MCF2L: variants seen among roughly 807,000 people sequenced by gnomAD.
The protein encoded by MCF2L is MCF.2 cell line derived transforming sequence like.
A neutral mutation model predicts 153.4 loss-of-function variants in MCF2L; 97 were observed. That is an observed-to-expected ratio of 0.63 (90% CI 0.54 to 0.75). MCF2L has a LOEUF of 0.75. MCF2L is among the 30% of genes least tolerant of loss of function. MCF2L has a pLI of 0.00. For missense variants in MCF2L, 1,347 were observed against 1,495.2 expected (o/e 0.90, Z 1.64); for synonymous variants, 659 against 632.2 (o/e 1.04, Z -0.64).
chr13:113,094,545 A>C lies in MCF2L; in HGVS notation c.2985A>C (p.Ala995=). 6.2e-7 allele frequency: 1 copy of C among 1,612,520 alleles called. No homozygotes were observed. Among genetic ancestry groups the C allele is most frequent in the Non-Finnish European group, 8.5e-7 (1 of 1,179,684 alleles). Residue 995 remains alanine (A), a synonymous_variant, in exon 27 of 30, where the codon GCA becomes GCC. Coordinates refer to ENST00000535094, the MANE Select transcript of MCF2L (RefSeq NM_001112732.3). The part of the protein sequence containing the change: ...GWSKTSHSLE[A]PEDDGGWSSA... ...GCAAAACGTCCCACTCACTGGAGGCACCTGAGGACGACGGGGGCTGGTCAA... is the reference window on the plus strand; with the variant it reads ...GCAAAACGTCCCACTCACTGGAGGCCCCTGAGGACGACGGGGGCTGGTCAA...
intron 1 of MCF2L, among the ~76,000 whole-genome samples, chr13:112,994,343 C>A (rs1012975901): frequency 6.6e-6 from 1 of 150,720 alleles, no homozygotes; most frequent in Non-Finnish European, 1.5e-5. Flanking sequence ...GTGTCTCGGG[C>A]GGGGGCCAGT....
chr13:113,010,650 C>T (rs2084032168), intron 1 of MCF2L, among the ~76,000 whole-genome samples: 1 of 152,218 alleles, frequency 6.6e-6, no homozygotes, highest in Non-Finnish European at 1.5e-5. Flanking sequence ...GCCCGCGTGG[C>T]AGGGGAATGG....
At chr13:113,006,440 G>A (rs1360295311) in intron 1 of MCF2L, among the ~76,000 whole-genome samples, 2 of 152,172 alleles carry the variant, frequency 1.3e-5, no homozygotes, top group Admixed American at 6.5e-5. Flanking sequence ...TCCTCCCCCC[G>A]GGAGCACAGG....
intron 2 of MCF2L, among the ~76,000 whole-genome samples, chr13:113,019,575 T>A (rs1263329081): frequency 6.6e-6 from 1 of 152,158 alleles, no homozygotes; most frequent in African/African-American, 2.4e-5. Flanking sequence ...TCCCGTTAGG[T>A]TTGGGCAGAG....
At chr13:112,914,555 A>T (rs1266557505) in intron 2 of MCF2L, among the ~76,000 whole-genome samples, 3 of 152,194 alleles carry the variant, frequency 2.0e-5, no homozygotes, top group African/African-American at 7.2e-5. Context: ...AGGTACTCAC[A>T]CACTCGCTCT....
chr13:113,075,921 A>T, intron 11 of MCF2L, 45 bp from the exon 12 acceptor site: 1 of 1,492,112 alleles, frequency 6.7e-7, no homozygotes, highest in Non-Finnish European at 9.1e-7. Flanking sequence ...TGACGCTCTC[A>T]CCCTCTCACG....
chr13:113,037,234 G>A (rs1025548861), intron 3 of MCF2L, among the ~76,000 whole-genome samples: 4 of 152,298 alleles, frequency 2.6e-5, no homozygotes, highest in South Asian at 2.1e-4. Context: ...TGATGATAAC[G>A]ACCACGATAG....
rs376441925 is a variant in MCF2L at position 113,050,220 on chromosome 13, CTG to C, written c.369+4864_369+4865del. Among the ~76,000 whole-genome samples, 129 of 146,946 alleles carry C rather than the reference CTG, an allele frequency of 8.8e-4. 1 individual carries two copies. Among genetic ancestry groups the C allele is most frequent in the African/African-American group, 3.1e-3 (117 of 38,308 alleles). ...AGTGGGAGTGTAAGTGAATGTGAGACTGTGTGAGTGTGTGAGTGTGTGCGCGA... is the reference window on the plus strand; with the variant it reads ...AGTGGGAGTGTAAGTGAATGTGAGACTGTGAGTGTGTGAGTGTGTGCGCGA... On this transcript the variant is annotated intron_variant, in intron 4 of 29. Coordinates refer to ENST00000535094, the MANE Select transcript of MCF2L (RefSeq NM_001112732.3).
chr13:113,089,540 T>TC (rs1288109890), intron 25 of MCF2L, 70 bp from the exon 26 acceptor site: 1 of 982,838 alleles, frequency 1.0e-6, no homozygotes, highest in African/African-American at 1.6e-5. Flanking sequence ...ATGCCTCAGG[T>TC]CCTCAGGGCG....
chr13:112,947,499 C>A (rs535891705), intron 2 of MCF2L, among the ~76,000 whole-genome samples: 1 of 152,288 alleles, frequency 6.6e-6, no homozygotes, highest in South Asian at 2.1e-4. Flanking sequence ...TTCCACAGTA[C>A]AATGGTGGGA....
chr13:113,084,813 T>C, intron 18 of MCF2L, 79 bp from the exon 19 acceptor site: 1 of 1,083,208 alleles, frequency 9.2e-7, no homozygotes, highest in Non-Finnish European at 1.4e-6. Flanking sequence ...CCTCACCGCG[T>C]AATGCGGTGC....
chr13:113,085,966 G>A (rs564327193), intron 20 of MCF2L, among the ~76,000 whole-genome samples, 158 bp from the exon 21 acceptor site: 4 of 152,010 alleles, frequency 2.6e-5, no homozygotes, highest in African/African-American at 9.6e-5. Flanking sequence ...GCACCACTCA[G>A]TCTGTCCCAG....
At chr13:113,044,884 G>A (rs777176538) in intron 3 of MCF2L, 22 of 1,612,790 alleles carry the variant, frequency 1.4e-5, no homozygotes, top group South Asian at 3.3e-5. Flanking sequence ...CAGGACCGGC[G>A]TGATGTATGC....
intron 4 of MCF2L, among the ~76,000 whole-genome samples, chr13:113,057,985 T>C (rs1161056196): frequency 6.8e-6 from 1 of 146,156 alleles, no homozygotes; most frequent in Non-Finnish European, 1.5e-5. Flanking sequence ...TGCTGAGTGT[T>C]GGGTGCTGAG....
chr13:113,081,194 C>T lies in MCF2L; in HGVS notation c.1809-19C>T. The T allele has an allele frequency of 6.4e-7, 1 of 1,569,054 alleles. No homozygotes were observed. ...TCCCAGTGCTAACCTTTTTTGCTCT[C>T]CACATGACCTGCCACCAGGCACGTG... On this transcript the variant is annotated intron_variant, in intron 15 of 29. Transcript: ENST00000535094.
At chr13:113,057,758 GTGTT>G (rs1431816904) in intron 4 of MCF2L, among the ~76,000 whole-genome samples, 13 of 145,080 alleles carry the variant, frequency 9.0e-5, no homozygotes, top group Admixed American at 2.1e-4. Context: ...TGGGCACTGA[GTGTT>G]TGGGTGCTGA....
chr13:113,074,518 G>A lies in MCF2L; in HGVS notation c.1071G>A (p.Val357=). ...ACATCGGCAACAGCCTGGCGCATGT[G>A]GAGCACCTGCTGAGGGACCTGGCCA... ...FTDIGNSLAH[V]EHLLRDLASF... is the part of the protein sequence containing the mutation. Residue 357 remains valine (V), a synonymous_variant, in exon 10 of 30, where the codon GTG becomes GTA. Coordinates refer to ENST00000535094, the MANE Select transcript of MCF2L (RefSeq NM_001112732.3). This position sits in a 1 kb window ranked among gnomAD's most constrained non-coding sequence, Gnocchi z 4.2. The A allele has an allele frequency of 6.2e-7, 1 of 1,614,098 alleles. No individual in the cohort carries two copies. Among genetic ancestry groups the A allele is most frequent in the Non-Finnish European group, 8.5e-7 (1 of 1,180,024 alleles).
At chr13:113,047,413 A>C (rs1333017463) in intron 4 of MCF2L, 1 of 152,244 alleles carries the variant, frequency 6.6e-6, no homozygotes, top group East Asian at 1.9e-4. Context: ...AACTCTAAAA[A>C]TTAAATCATA....
At chr13:112,940,395 A>C (rs1254857958) in intron 2 of MCF2L, among the ~76,000 whole-genome samples, 1 of 152,224 alleles carries the variant, frequency 6.6e-6, no homozygotes, top group Non-Finnish European at 1.5e-5. Context: ...AACTGAATGC[A>C]GAATTCCGGG....
Sources: gnomAD v4.1 joint callset for allele counts (sites outside exome capture counted in the v4.1 genomes callset) on GRCh38, gnomAD v4.1.1 for gene constraint, Gnocchi (gnomAD v3.1) non-coding constraint, MANE v1.5 for transcripts, NCBI Gene and HGNC (gene_info 2026-07-23, HGNC 2026-07-21) for gene names.